Variants in GABBR2 observed in about 807,000 individuals in gnomAD.
GABBR2 encodes the protein gamma-aminobutyric acid type B receptor subunit 2.
GABBR2 carries 23 observed loss-of-function variants against 105.6 expected under a neutral mutation model. The ratio of observed to expected loss-of-function variants is 0.22; its 90% CI spans 0.16 to 0.31. The LOEUF is 0.31. Among genes scored for constraint, GABBR2 ranks in the 10% least tolerant of loss-of-function variants. The pLI is 1.00. For missense variants in GABBR2, 734 were observed against 1,245.5 expected, an observed-to-expected ratio of 0.59 and a Z score of 6.18; for synonymous variants, 478 against 499.7, an observed-to-expected ratio of 0.96 and a Z score of 0.58.
intron 1 of GABBR2, among the ~76,000 whole-genome samples, chr9:98,701,543 C>T (rs888039445): frequency 5.3e-5 from 8 of 152,118 alleles, no homozygotes; most frequent in Admixed American, 4.6e-4. Context: ...AGGGTGCTAA[C>T]TCAGAAAGCA....
chr9:98,627,478 G>A (rs1281461515), intron 1 of GABBR2, among the ~76,000 whole-genome samples: 5 of 152,170 alleles, frequency 3.3e-5, no homozygotes, highest in East Asian at 1.9e-4. Flanking sequence ...AGGAATCATC[G>A]GGACATCATG....
intron 3 of GABBR2, among the ~76,000 whole-genome samples, chr9:98,529,375 G>A (rs953277984): frequency 6.6e-6 from 1 of 152,220 alleles, no homozygotes; most frequent in East Asian, 1.9e-4. Context: ...ACGGAGTCAC[G>A]GAGAACATTT....
chr9:98,607,584 C>T, intron 1 of GABBR2: 3 of 680,826 alleles, frequency 4.4e-6, no homozygotes, highest in Non-Finnish European at 7.9e-6. Flanking sequence ...GTAATACTAT[C>T]ATCAAAGTTA....
intron 17 of GABBR2, among the ~76,000 whole-genome samples, chr9:98,294,916 A>G (rs750308119): frequency 1.3e-5 from 2 of 152,194 alleles, no homozygotes; most frequent in African/African-American, 2.4e-5. Flanking sequence ...AAATTCTCTC[A>G]ACTCTCTCTG....
At chr9:98,464,723 G>T (rs1826509751) in intron 6 of GABBR2, among the ~76,000 whole-genome samples, 1 of 152,108 alleles carries the variant, frequency 6.6e-6, no homozygotes, top group Non-Finnish European at 1.5e-5. Context: ...TTGTTACTGT[G>T]TCTGTGTAGA....
chr9:98,562,164 A>G (rs1050643923), intron 2 of GABBR2, among the ~76,000 whole-genome samples: 28 of 152,196 alleles, frequency 1.8e-4, no homozygotes, highest in African/African-American at 5.1e-4. Context: ...GACTCGATGC[A>G]CTGGGAAGAA....
intron 11 of GABBR2, among the ~76,000 whole-genome samples, chr9:98,371,944 T>C (rs1212659478): frequency 6.6e-6 from 1 of 152,170 alleles, no homozygotes; most frequent in Non-Finnish European, 1.5e-5. Context: ...TCCTTCTTCC[T>C]GCTGCCCAGC....
chr9:98,520,332 CAGG>C (rs926486733), intron 3 of GABBR2, among the ~76,000 whole-genome samples: 2 of 152,174 alleles, frequency 1.3e-5, no homozygotes, highest in African/African-American at 4.8e-5. Flanking sequence ...GGGCTTTCTG[CAGG>C]AGAATGCTAC....
chr9:98,682,478 C>A (rs1830563662), intron 1 of GABBR2, among the ~76,000 whole-genome samples: 1 of 141,568 alleles, frequency 7.1e-6, no homozygotes, highest in Non-Finnish European at 1.5e-5. Context: ...TGGATTCAAG[C>A]AATTCTCGTG....
intron 7 of GABBR2, among the ~76,000 whole-genome samples, chr9:98,448,104 C>T (rs139106280): frequency 1.7e-3 from 253 of 152,092 alleles, no homozygotes; most frequent in Middle Eastern, 6.8e-3. Flanking sequence ...TGTCCAGACC[C>T]GCTGCTGGTT....
chr9:98,511,057 C>G (rs1432958505), intron 3 of GABBR2, among the ~76,000 whole-genome samples: 1 of 152,250 alleles, frequency 6.6e-6, no homozygotes, highest in Non-Finnish European at 1.5e-5. Context: ...CAAACTGCCT[C>G]TCAGACCACA....
At chr9:98,526,209 T>A (rs777944428) in intron 3 of GABBR2, among the ~76,000 whole-genome samples, 5 of 152,170 alleles carry the variant, frequency 3.3e-5, no homozygotes, top group Non-Finnish European at 5.9e-5. Context: ...CCCAACTGAC[T>A]CAAAGTATAA....
intron 8 of GABBR2, 117 bp downstream of exon 8, chr9:98,405,964 G>T: frequency 1.4e-6 from 1 of 696,612 alleles, no homozygotes; most frequent in Non-Finnish European, 2.5e-6. Flanking sequence ...AATTGGCTCT[G>T]CTTTCTTTTA....
intron 13 of GABBR2, among the ~76,000 whole-genome samples, chr9:98,321,385 T>C (rs1232214325): frequency 1.3e-5 from 2 of 152,192 alleles, no homozygotes; most frequent in African/African-American, 4.8e-5. Context: ...GCCTGGTTGC[T>C]GGGCTCTTGC....
intron 13 of GABBR2, among the ~76,000 whole-genome samples, chr9:98,323,375 C>T (rs942537163): frequency 6.6e-6 from 1 of 152,246 alleles, no homozygotes; most frequent in Non-Finnish European, 1.5e-5. Context: ...GATGGAAAGC[C>T]CTGCCATAAA....
chr9:98,675,296 G>A (rs1830460645), intron 1 of GABBR2, among the ~76,000 whole-genome samples: 1 of 152,206 alleles, frequency 6.6e-6, no homozygotes, highest in Non-Finnish European at 1.5e-5. Flanking sequence ...CTTGAAGGAG[G>A]AGGAACCAGA....
chr9:98,376,796 G>T (rs1831882319), intron 11 of GABBR2, among the ~76,000 whole-genome samples: 1 of 152,156 alleles, frequency 6.6e-6, no homozygotes, highest in South Asian at 2.1e-4. Context: ...AACGGTGCAG[G>T]GGGCAAAGGT....
At position 98,350,965 on chromosome 9, in the gene GABBR2, G is replaced by A. The variant is rs371291191; in HGVS notation, c.1893+11750C>T. On this transcript the variant is annotated intron_variant, in intron 13 of 18. Coordinates refer to ENST00000259455, the MANE Select transcript of GABBR2 (RefSeq NM_005458.8). ...AATTGTTATATCTGCTTGATGAATC[G>A]ATCCCTTTATCATTATGTCATGTTC... Among the ~76,000 whole-genome samples, 43 of 152,014 alleles carry A rather than the reference G, an allele frequency of 2.8e-4. No homozygotes were observed. In the South Asian group the frequency reaches 7.7e-3, roughly 27 times the overall value.
At chr9:98,461,529 A>C (rs957531386) in intron 6 of GABBR2, among the ~76,000 whole-genome samples, 1 of 152,214 alleles carries the variant, frequency 6.6e-6, no homozygotes, top group African/African-American at 2.4e-5. Flanking sequence ...TTATTCATAA[A>C]ATTAAATATA....
Sources: allele counts gnomAD v4.1 joint callset (sites outside exome capture counted in the v4.1 genomes callset), GRCh38; gene constraint gnomAD v4.1.1; transcripts MANE v1.5; gene names NCBI Gene and HGNC (gene_info 2026-07-23, HGNC 2026-07-21).